The following KIAA1328 variants were observed in gnomAD, a reference collection of about 807,000 sequenced individuals.
KIAA1328 encodes KIAA1328.
KIAA1328 carries 52 observed loss-of-function variants against 68.1 expected under a neutral mutation model. The ratio of observed to expected loss-of-function variants is 0.76; its 90% CI spans 0.61 to 0.96. KIAA1328 has a LOEUF of 0.96. KIAA1328 is among the 40% of genes least tolerant of loss of function. The probability of loss-of-function intolerance (pLI) is 0.00; values close to 1 mark genes in which losing one functional copy is unlikely to be tolerated. For synonymous variants in KIAA1328, 232 were observed against 239.4 expected, an observed-to-expected ratio of 0.97 and a Z score of 0.28; for missense variants, 641 against 677.6, an observed-to-expected ratio of 0.95 and a Z score of 0.60.
At chr18:36,957,064 A>G (rs1439525181) in intron 5 of KIAA1328, among the ~76,000 whole-genome samples, 2 of 152,010 alleles carry the variant, frequency 1.3e-5, no homozygotes, top group African/African-American at 4.8e-5. Context: ...TCTATCATCT[A>G]CCTCTGGCTC....
At chr18:37,097,738 CT>C in intron 7 of KIAA1328, among the ~76,000 whole-genome samples, 1 of 152,156 alleles carries the variant, frequency 6.6e-6, no homozygotes, top group Non-Finnish European at 1.5e-5. Context: ...TTTGTATCCT[CT>C]TTTATTTCAT....
intron 5 of KIAA1328, among the ~76,000 whole-genome samples, chr18:36,932,840 A>G (rs2050361340): frequency 6.6e-6 from 1 of 152,348 alleles, no homozygotes; most frequent in Middle Eastern, 3.4e-3. Context: ...TACCTAATCT[A>G]TTCAGCTGTT....
chr18:37,053,441 C>T (rs979891761), intron 6 of KIAA1328, among the ~76,000 whole-genome samples: 6 of 152,082 alleles, frequency 3.9e-5, no homozygotes, highest in Non-Finnish European at 8.8e-5. Flanking sequence ...GAATTTATGA[C>T]TAAGACCTCA....
chr18:37,104,995 C>A (rs1251043191), intron 7 of KIAA1328, among the ~76,000 whole-genome samples: 1 of 152,152 alleles, frequency 6.6e-6, no homozygotes, highest in Non-Finnish European at 1.5e-5. Context: ...CCCCTTCTTT[C>A]TGACTTCTCT....
At chr18:37,022,403 T>C (rs999508906) in intron 6 of KIAA1328, among the ~76,000 whole-genome samples, 1 of 152,182 alleles carries the variant, frequency 6.6e-6, no homozygotes, top group Non-Finnish European at 1.5e-5. Flanking sequence ...TTTAGAATTA[T>C]GGCTTTAAAA....
chr18:36,831,739 A>G (rs1483371339), intron 1 of KIAA1328, among the ~76,000 whole-genome samples: 1 of 152,220 alleles, frequency 6.6e-6, no homozygotes, highest in Non-Finnish European at 1.5e-5. Flanking sequence ...GATAATAATT[A>G]CATATACATG....
intron 9 of KIAA1328, chr18:37,193,637 ATATT>A: frequency 2.8e-6 from 2 of 702,620 alleles, no homozygotes; most frequent in Middle Eastern, 2.3e-4. Context: ...TCATTTCTTC[ATATT>A]GTTCTCCTAG....
At chr18:37,217,123 A>G (rs769530086) in intron 9 of KIAA1328, among the ~76,000 whole-genome samples, 2 of 151,100 alleles carry the variant, frequency 1.3e-5, no homozygotes, top group Non-Finnish European at 1.5e-5. Context: ...TCTTTATCCA[A>G]TTTGCCAGTC....
chr18:37,192,282 A>G (rs2059921427), intron 9 of KIAA1328, among the ~76,000 whole-genome samples: 1 of 152,094 alleles, frequency 6.6e-6, no homozygotes, highest in Non-Finnish European at 1.5e-5. Flanking sequence ...CCATCTATCC[A>G]TATTGTCTTT....
At chr18:37,181,588 A>G (rs2059699493) in intron 9 of KIAA1328, among the ~76,000 whole-genome samples, 1 of 152,210 alleles carries the variant, frequency 6.6e-6, no homozygotes, top group Non-Finnish European at 1.5e-5. Flanking sequence ...AAAGACAAAT[A>G]GGCTAGGCAG....
intron 4 of KIAA1328, among the ~76,000 whole-genome samples, chr18:36,883,723 T>A (rs938831523): frequency 1.3e-5 from 2 of 152,148 alleles, no homozygotes; most frequent in African/African-American, 2.4e-5. Context: ...ACATCACTCA[T>A]TTCTTTGTTT....
intron 6 of KIAA1328, among the ~76,000 whole-genome samples, chr18:37,030,423 C>G (rs887280927): frequency 6.6e-6 from 1 of 152,054 alleles, no homozygotes; most frequent in Non-Finnish European, 1.5e-5. Flanking sequence ...AGTTTATAGT[C>G]ATAAGATTCT....
intron 6 of KIAA1328, among the ~76,000 whole-genome samples, chr18:37,008,919 A>G (rs954833042): frequency 6.6e-6 from 1 of 152,214 alleles, no homozygotes; most frequent in Non-Finnish European, 1.5e-5. Flanking sequence ...GACCTTTGGT[A>G]TAATATCAGA....
chr18:37,207,210 G>A (rs770748516), intron 9 of KIAA1328, among the ~76,000 whole-genome samples: 12 of 152,120 alleles, frequency 7.9e-5, no homozygotes, highest in Non-Finnish European at 1.6e-4. Context: ...TTGGAAGTAC[G>A]TCCCCCATCA....
At chr18:36,974,338 C>T (rs1326966412) in intron 6 of KIAA1328, among the ~76,000 whole-genome samples, 9 of 152,124 alleles carry the variant, frequency 5.9e-5, no homozygotes, top group Non-Finnish European at 1.5e-5. Flanking sequence ...CTCCACTCTT[C>T]TGAGTCTCCA....
At chr18:37,010,441 TAA>T (rs59927777) in intron 6 of KIAA1328, among the ~76,000 whole-genome samples, 57 of 90,316 alleles carry the variant, frequency 6.3e-4, no homozygotes, top group African/African-American at 2.9e-3. Flanking sequence ...AGACACCATC[TAA>T]AAAAAAAAAA....
intron 7 of KIAA1328, among the ~76,000 whole-genome samples, chr18:37,068,306 C>T (rs1220651577): frequency 6.6e-6 from 1 of 152,132 alleles, no homozygotes; most frequent in Non-Finnish European, 1.5e-5. Context: ...TGGGAGTCTT[C>T]TAAATTCAAC....
chr18:36,931,425 T>C (rs545182087), intron 5 of KIAA1328, among the ~76,000 whole-genome samples: 44 of 152,158 alleles, frequency 2.9e-4, no homozygotes, highest in African/African-American at 1.0e-3. Flanking sequence ...TAGGATAATC[T>C]AACTAATGCC....
chr18:37,014,977 A>G (rs982435657), intron 6 of KIAA1328, among the ~76,000 whole-genome samples: 4 of 152,148 alleles, frequency 2.6e-5, no homozygotes, highest in Admixed American at 2.6e-4. Context: ...ATCTCGGCTC[A>G]CTGCAACTTC....
Sources: allele counts gnomAD v4.1 joint callset (sites outside exome capture counted in the v4.1 genomes callset), GRCh38; gene constraint gnomAD v4.1.1; transcripts MANE v1.5; gene names NCBI Gene and HGNC (gene_info 2026-07-23, HGNC 2026-07-21).